COL22A1: variants seen among roughly 807,000 people sequenced by gnomAD.
COL22A1 encodes collagen type XXII alpha 1 chain.
A neutral mutation model predicts 248.9 loss-of-function variants in COL22A1; 221 were observed. That is an observed-to-expected ratio of 0.89 (90% CI 0.80 to 0.99). The LOEUF is 0.99. COL22A1 is among the 50% of genes least tolerant of loss of function. COL22A1 has a pLI of 0.00. For synonymous variants in COL22A1, 891 were observed against 793.4 expected, an observed-to-expected ratio of 1.12 and a Z score of -2.07; for missense variants, 2,240 against 2,179.0, an observed-to-expected ratio of 1.03 and a Z score of -0.56.
intron 37 of COL22A1, among the ~76,000 whole-genome samples, chr8:138,686,590 G>A (rs556465225): frequency 2.6e-5 from 4 of 152,200 alleles, no homozygotes; most frequent in South Asian, 2.1e-4. Flanking sequence ...TGTGATGTCC[G>A]GGATTTTTAC....
intron 23 of COL22A1, among the ~76,000 whole-genome samples, chr8:138,729,716 C>A (rs1830570695): frequency 6.6e-6 from 1 of 152,206 alleles, no homozygotes; most frequent in Admixed American, 6.5e-5. Flanking sequence ...GAGGGAACAG[C>A]CCTCAGGATC....
chr8:138,799,033 TTC>T (rs1816785322), intron 11 of COL22A1, among the ~76,000 whole-genome samples: 1 of 152,170 alleles, frequency 6.6e-6, no homozygotes, highest in African/African-American at 2.4e-5. Flanking sequence ...TCATTATTTT[TTC>T]TCTGTTCTTC....
At chr8:138,822,076 A>T (rs1819187417) in intron 6 of COL22A1, among the ~76,000 whole-genome samples, 1 of 151,734 alleles carries the variant, frequency 6.6e-6, no homozygotes, top group Non-Finnish European at 1.5e-5. Flanking sequence ...ATGGAGTCTC[A>T]CTCTGTTGCC....
chr8:138,636,376 TTGAGA>T (rs1168779697), intron 48 of COL22A1, among the ~76,000 whole-genome samples: 2 of 150,472 alleles, frequency 1.3e-5, no homozygotes, highest in Admixed American at 6.6e-5. Context: ...CAACAGTTAA[TTGAGA>T]TGATGGGAGG....
rs571852953 is a variant in COL22A1, at chr8:138,645,008, G to A, written c.3501+1621C>T. Among the ~76,000 whole-genome samples, 20 of 152,282 alleles carry A rather than the reference G, an allele frequency of 1.3e-4. No individual in the cohort carries two copies. In the East Asian group the frequency reaches 1.4e-3, roughly 10 times the overall value. On this transcript the variant is annotated intron_variant, in intron 47 of 64. Transcript: ENST00000303045. ...GATGCAGCAACCGTGGTGACAGTAA[G>A]TACAAGCAACACAATAAGCCTCAGC... is the stretch of plus-strand genomic sequence containing the variant.
At chr8:138,862,026 T>TAAAAAAAAAAAAAAAAA (rs386414193) in intron 3 of COL22A1, among the ~76,000 whole-genome samples, 6 of 93,222 alleles carry the variant, frequency 6.4e-5, no homozygotes, top group African/African-American at 1.3e-4. Flanking sequence ...CTGTCTCTAC[T>TAAAAAAAAAAAAAAAAA]AAAAAAAAAA....
At chr8:138,824,640 T>C (rs1302657525) in intron 6 of COL22A1, among the ~76,000 whole-genome samples, 1 of 152,218 alleles carries the variant, frequency 6.6e-6, no homozygotes, top group Non-Finnish European at 1.5e-5. Flanking sequence ...AATGAAAGCA[T>C]GCACATATAT....
At chr8:138,833,242 G>T in intron 4 of COL22A1, 92 bp from the exon 5 acceptor site, 3 of 809,318 alleles carry the variant, frequency 3.7e-6, no homozygotes, top group Non-Finnish European at 6.4e-6. Flanking sequence ...AAGGCAGCCT[G>T]CCCATCCTGC....
At chr8:138,669,685 C>T (rs1204605453) in intron 41 of COL22A1, among the ~76,000 whole-genome samples, 1 of 152,174 alleles carries the variant, frequency 6.6e-6, no homozygotes, top group Non-Finnish European at 1.5e-5. Context: ...AATAGTTACA[C>T]CTTACTGGAC....
chr8:138,826,793 T>A lies in COL22A1; in HGVS notation c.846-12A>T. 1 of 1,613,510 alleles carries A rather than the reference T, an allele frequency of 6.2e-7. No homozygotes were observed. The highest frequency in any genetic ancestry group is 8.5e-7 in the Non-Finnish European group (1 of 1,179,798). On this transcript the variant is annotated splice_polypyrimidine_tract_variant and intron_variant, in intron 5 of 64. Transcript: ENST00000303045. Reference sequence around the variant, plus strand: ...GGGGGAACACATCCCTGGAGAAAAATGGAGACAAAGACACCAGGCTTGGCG... The same window carrying A: ...GGGGGAACACATCCCTGGAGAAAAAAGGAGACAAAGACACCAGGCTTGGCG...
rs559937247 is a variant in COL22A1 at position 138,811,865 on chromosome 8, G to A, written c.1383C>T (p.Pro461=). ...PPPPPPPQRP[P]TPGSEQIGFL... Reference sequence around the variant, plus strand: ...ACCCAATCTGTTCACTGCCTGGGGTGGGAGGCCGCTGGGGTGGGGGTGGAG... The same window carrying A: ...ACCCAATCTGTTCACTGCCTGGGGTAGGAGGCCGCTGGGGTGGGGGTGGAG... The change falls in exon 9 of 65, where the codon CCC becomes CCT. Residue 461 remains proline (P), a synonymous_variant. Transcript: ENST00000303045. 1.3e-4 allele frequency: 215 copies of A among 1,605,000 alleles called. 2 individuals carry two copies. In the South Asian group the frequency reaches 2.3e-3, roughly 18 times the overall value.
At chr8:138,669,538 A>G (rs1358284238) in intron 41 of COL22A1, among the ~76,000 whole-genome samples, 2 of 152,188 alleles carry the variant, frequency 1.3e-5, no homozygotes, top group Non-Finnish European at 2.9e-5. Flanking sequence ...TCTCGCTTAG[A>G]AACAAAGAGT....
intron 3 of COL22A1, among the ~76,000 whole-genome samples, chr8:138,876,238 G>A (rs187017365): frequency 9.5e-4 from 145 of 152,128 alleles, no homozygotes; most frequent in Admixed American, 1.8e-3. Context: ...CCACTCCATC[G>A]CATCCTTCTC....
intron 22 of COL22A1, among the ~76,000 whole-genome samples, chr8:138,741,025 C>T (rs962310954): frequency 6.6e-6 from 1 of 152,182 alleles, no homozygotes; most frequent in Non-Finnish European, 1.5e-5. Flanking sequence ...GGGTTCTAAC[C>T]TACCTTTTCA....
In COL22A1 at chr8:138,701,658, C is replaced by A. The variant is rs559823558; in HGVS notation, c.2560-1514G>T. Among the ~76,000 whole-genome samples the A allele has an allele frequency of 2.6e-5, 4 of 152,324 alleles. No homozygotes were observed. In the East Asian group the frequency reaches 7.7e-4, roughly 29 times the overall value. ...AGAGGCCTTCACTCATGTGGTCTCA[C>A]AATAACTCTAAGAGGTGGACTATCT... On this transcript the variant is annotated intron_variant, in intron 31 of 64. Transcript: ENST00000303045.
intron 36 of COL22A1, 41 bp from the exon 37 acceptor site, chr8:138,689,011 G>A: frequency 3.9e-6 from 6 of 1,547,160 alleles, no homozygotes; most frequent in Non-Finnish European, 4.5e-6. Flanking sequence ...ATTTAAAGAT[G>A]ACTGGTCACT....
At chr8:138,768,696 G>A (rs1238512447) in intron 16 of COL22A1, among the ~76,000 whole-genome samples, 1 of 152,140 alleles carries the variant, frequency 6.6e-6, no homozygotes, top group Non-Finnish European at 1.5e-5. Context: ...CCAGCACTTT[G>A]GGAGGTCGAG....
chr8:138,673,836 C>T (rs573653144), intron 41 of COL22A1, among the ~76,000 whole-genome samples: 246 of 152,170 alleles, frequency 1.6e-3, no homozygotes, highest in African/African-American at 2.9e-3. Context: ...AATGATTGGC[C>T]CAACCACAGG....
At chr8:138,621,249 T>C (rs2131943788) in intron 52 of COL22A1, among the ~76,000 whole-genome samples, 1 of 152,306 alleles carries the variant, frequency 6.6e-6, no homozygotes, top group Non-Finnish European at 1.5e-5. Flanking sequence ...TCCCTGACCG[T>C]AATGGGTACT....
Sources: gnomAD v4.1 joint callset for allele counts (sites outside exome capture counted in the v4.1 genomes callset) on GRCh38, gnomAD v4.1.1 for gene constraint, MANE v1.5 for transcripts, NCBI Gene and HGNC (gene_info 2026-07-23, HGNC 2026-07-21) for gene names.